The following NCS1 variants were observed in gnomAD, a reference collection of about 807,000 sequenced individuals.
NCS1 encodes frequenin homolog.
NCS1 carries 6 observed loss-of-function variants against 28.4 expected under a neutral mutation model. That is an observed-to-expected ratio of 0.21 (90% CI 0.12 to 0.42). The LOEUF (loss-of-function observed/expected upper bound fraction) is 0.42, where lower values mean the gene tolerates loss of function less well. NCS1 is among the 10% of genes least tolerant of loss of function. The pLI is 1.00. For synonymous variants in NCS1, 86 were observed against 99.3 expected (o/e 0.87, Z 0.79); for missense variants, 131 against 241.4 (o/e 0.54, Z 3.03).
At position 130,174,507 on chromosome 9, in the gene NCS1, C is replaced by G. The variant is rs782258964; in HGVS notation, c.64+1780C>G. 7.7e-4 allele frequency among the ~76,000 whole-genome samples: 117 copies of G among 152,260 alleles called. 2 individuals are homozygous for G. Among genetic ancestry groups the G allele is most frequent in the Admixed American group, 3.9e-4 (6 of 15,288 alleles). On this transcript the variant is annotated intron_variant, in intron 1 of 7. Coordinates refer to ENST00000372398, the MANE Select transcript of NCS1 (RefSeq NM_014286.4). ...GACTTGAACTCCGGTCTGTCCTGCT[C>G]CAAGGCTAGTGAGAGACTTCAGAGC...
intron 4 of NCS1, among the ~76,000 whole-genome samples, chr9:130,222,088 A>ACATAAATATAAAT (rs1554910632): frequency 4.7e-5 from 4 of 84,778 alleles, no homozygotes; most frequent in Non-Finnish European, 6.7e-5. Context: ...ATAAATATAT[A>ACATAAATATAAAT]TATGTGTGTG....
intron 6 of NCS1, among the ~76,000 whole-genome samples, chr9:130,225,042 A>C (rs1833391684): frequency 6.6e-6 from 1 of 152,086 alleles, no homozygotes; most frequent in Non-Finnish European, 1.5e-5. Flanking sequence ...AAATACAAAA[A>C]TTAGCCGGGT....
At chr9:130,172,823 G>A in intron 1 of NCS1, 96 bp downstream of exon 1, 1 of 455,468 alleles carries the variant, frequency 2.2e-6, no homozygotes, top group Non-Finnish European at 3.0e-6. Flanking sequence ...CCCGCTCCGC[G>A]CTGCCGCCTC....
intron 1 of NCS1, among the ~76,000 whole-genome samples, chr9:130,183,726 T>C (rs995886412): frequency 7.2e-6 from 1 of 138,308 alleles, no homozygotes; most frequent in Non-Finnish European, 1.7e-5. Flanking sequence ...CCTTCCTTCT[T>C]TCTCTCTCTC....
chr9:130,205,030 CG>C (rs1554907889), intron 2 of NCS1, among the ~76,000 whole-genome samples: 2 of 151,778 alleles, frequency 1.3e-5, no homozygotes, highest in East Asian at 3.9e-4. Context: ...GAGTACAAAG[CG>C]GGGTCACTGT....
intron 2 of NCS1, among the ~76,000 whole-genome samples, chr9:130,206,567 C>G (rs782380056): frequency 6.6e-6 from 1 of 152,084 alleles, no homozygotes; most frequent in Admixed American, 6.6e-5. Context: ...TGCCACCATG[C>G]CCAGCTAATT....
chr9:130,173,083 C>T (rs1832510085), intron 1 of NCS1, among the ~76,000 whole-genome samples: 1 of 152,032 alleles, frequency 6.6e-6, no homozygotes, highest in Non-Finnish European at 1.5e-5. Flanking sequence ...AGGGGGCGCC[C>T]GGCTGCGCGG....
At chr9:130,190,031 CAA>C (rs1491545826) in intron 1 of NCS1, among the ~76,000 whole-genome samples, 1 of 37,436 alleles carries the variant, frequency 2.7e-5, no homozygotes, top group Non-Finnish European at 5.5e-5. Flanking sequence ...TATGTTTATG[CAA>C]GAGAGAGAGA....
intron 4 of NCS1, among the ~76,000 whole-genome samples, chr9:130,221,397 T>TAGAGAG (rs1833291137): frequency 1.6e-5 from 1 of 61,226 alleles, no homozygotes; most frequent in Non-Finnish European, 3.3e-5. Context: ...TATATATATA[T>TAGAGAG]ATATATATAT....
intron 2 of NCS1, among the ~76,000 whole-genome samples, chr9:130,204,019 G>A (rs939606138): frequency 7.9e-5 from 12 of 152,028 alleles, no homozygotes; most frequent in Non-Finnish European, 1.5e-4. Context: ...TTGAGACAGA[G>A]TCTCGCCTTG....
Position 130,230,251 on chromosome 9 carries a change from C to T in NCS1, c.*18-2739C>T, listed in dbSNP as rs150186620. On this transcript the variant is annotated intron_variant, in intron 7 of 7. Coordinates refer to ENST00000372398, the MANE Select transcript of NCS1 (RefSeq NM_014286.4). The stretch of plus-strand genomic sequence containing the variant: ...CTGTAATCCCAGCTATTTGGGAGGC[C>T]GAGGCAGGAGAATTGCTTGAACCTG... Among the ~76,000 whole-genome samples the T allele has an allele frequency of 4.6e-3, 690 of 151,494 alleles. 6 individuals are homozygous for T. The highest frequency in any genetic ancestry group is 0.016 in the African/African-American group (657 of 41,282).
chr9:130,232,735 G>A lies in NCS1; in HGVS notation c.*18-255G>A, dbSNP rs543619110. On this transcript the variant is annotated intron_variant, in intron 7 of 7. Transcript: ENST00000372398. This position sits in a 1 kb window ranked among gnomAD's most constrained non-coding sequence, Gnocchi z 4.4. ...CAAGAGGTGGAGGTTGCAGTGAGCC[G>A]AGATTATGCCACTGCACTGCAGCCC... Among the ~76,000 whole-genome samples the A allele has an allele frequency of 6.6e-6, 1 of 152,130 alleles. No individual in the cohort carries two copies. Among genetic ancestry groups the A allele is most frequent in the African/African-American group, 2.4e-5 (1 of 41,480 alleles).
chr9:130,200,014 C>A (rs1254297385), intron 1 of NCS1, among the ~76,000 whole-genome samples: 1 of 152,202 alleles, frequency 6.6e-6, no homozygotes, highest in African/African-American at 2.4e-5. Flanking sequence ...TCTTTGACGC[C>A]AGGCCTGGCC....
chr9:130,196,703 A>C (rs146394034), intron 1 of NCS1, among the ~76,000 whole-genome samples: 37 of 152,040 alleles, frequency 2.4e-4, no homozygotes, highest in Non-Finnish European at 4.7e-4. Flanking sequence ...CAACCATTGC[A>C]CTCTAGCCCC....
chr9:130,192,779 C>T lies in NCS1; in HGVS notation c.65-8179C>T, dbSNP rs1832833853. On this transcript the variant is annotated intron_variant, in intron 1 of 7. Transcript: ENST00000372398. The surrounding 1 kb of genome is among the most constrained non-coding windows in gnomAD (Gnocchi z 4.8). ...GATCTGAGGCCTTGTGTGCTTGGGG[C>T]ACCTGGAGGATTGGAGCAGCAGGTG... Among the ~76,000 whole-genome samples, 1 of 152,156 alleles carries T rather than the reference C, an allele frequency of 6.6e-6. No homozygotes were observed. Among genetic ancestry groups the T allele is most frequent in the Admixed American group, 6.5e-5 (1 of 15,284 alleles).
At position 130,192,745 on chromosome 9, in the gene NCS1, G is replaced by A. The variant is rs373252800; in HGVS notation, c.65-8213G>A. ...CCCAGGAGCCGGTGCTGCAGTGAGT[G>A]GGGGGAGTGATCTGAGGCCTTGTGT... is the stretch of plus-strand genomic sequence containing the variant. On this transcript the variant is annotated intron_variant, in intron 1 of 7. Transcript: ENST00000372398. The surrounding 1 kb of genome is among the most constrained non-coding windows in gnomAD (Gnocchi z 4.8). 1.3e-5 allele frequency among the ~76,000 whole-genome samples: 2 copies of A among 152,146 alleles called. No homozygotes were observed. The highest frequency in any genetic ancestry group is 2.1e-4 in the South Asian group (1 of 4,824).
rs1832564290 is a variant in NCS1, at chr9:130,176,166, CTTT to C, written c.64+3440_64+3442del. 1.8e-4 allele frequency among the ~76,000 whole-genome samples: 14 copies of C among 77,770 alleles called. 1 individual carries two copies. The Admixed American group carries it at 1.8e-3, about 10-fold the overall frequency. The allele number at this position is 77,770 out of a possible 152,430, so 51.0% of individuals were successfully genotyped here. A position where few individuals can be genotyped will look rare whatever the true frequency, so the allele number is the denominator to read the frequency against. On this transcript the variant is annotated intron_variant, in intron 1 of 7. Transcript: ENST00000372398. Reference sequence around the variant, plus strand: ...TCTTTCTTTCTTTCTTTCTTTCTTTCTTTCTTTCTTTCTTTCTTTCTTTCTTTC... The same window carrying C: ...TCTTTCTTTCTTTCTTTCTTTCTTTCCTTTCTTTCTTTCTTTCTTTCTTTC...
chr9:130,183,692 TTTC>T (rs782533731), intron 1 of NCS1, among the ~76,000 whole-genome samples: 15 of 151,832 alleles, frequency 9.9e-5, no homozygotes, highest in South Asian at 4.2e-4. Flanking sequence ...CCTTCCTTTC[TTTC>T]TTTTTTTCTC....
intron 1 of NCS1, among the ~76,000 whole-genome samples, chr9:130,199,295 G>A (rs995710600): frequency 1.3e-5 from 2 of 152,088 alleles, no homozygotes; most frequent in African/African-American, 4.8e-5. Context: ...GGGTTTCACC[G>A]CTTTAACCAG....
Sources: gnomAD v4.1 joint callset for allele counts (sites outside exome capture counted in the v4.1 genomes callset) on GRCh38, gnomAD v4.1.1 for gene constraint, Gnocchi (gnomAD v3.1) non-coding constraint, MANE v1.5 for transcripts, NCBI Gene and HGNC (gene_info 2026-07-23, HGNC 2026-07-21) for gene names.